ITGA1: variants seen among roughly 807,000 people sequenced by gnomAD.
The protein encoded by ITGA1 is integrin alpha-1.
A neutral mutation model predicts 145.9 loss-of-function variants in ITGA1; 85 were observed. The observed-to-expected ratio is 0.58, with a 90% CI of 0.49 to 0.70. ITGA1 has a LOEUF of 0.70. Ranked by LOEUF, ITGA1 falls within the 30% of genes least tolerant of loss-of-function variation. The pLI, the probability that ITGA1 is intolerant of heterozygous loss-of-function variation, is 0.00. For synonymous variants in ITGA1, 520 were observed against 495.3 expected, an observed-to-expected ratio of 1.05 and a Z score of -0.66; for missense variants, 1,351 against 1,418.7, an observed-to-expected ratio of 0.95 and a Z score of 0.77.
At chr5:52,807,606 C>G (rs951922476) in intron 1 of ITGA1, among the ~76,000 whole-genome samples, 1 of 152,000 alleles carries the variant, frequency 6.6e-6, no homozygotes, top group African/African-American at 2.4e-5. Flanking sequence ...TTTATATAAT[C>G]AGCCAAAGTT....
Position 52,854,285 on chromosome 5 carries a change from T to C in ITGA1, c.182+4800T>C, listed in dbSNP as rs185338768. 2.0e-3 allele frequency among the ~76,000 whole-genome samples: 300 copies of C among 152,304 alleles called. 2 individuals carry two copies. Among genetic ancestry groups the C allele is most frequent in the Non-Finnish European group, 1.5e-3 (102 of 68,020 alleles). On this transcript the variant is annotated intron_variant, in intron 2 of 28. Transcript: ENST00000282588. ...TAAAAGAAAAAAGAATCCCTGCTAA[T>C]GTAGAGCTATTCCAGACTGGGGAGG...
chr5:52,857,455 T>C (rs1749534477), intron 2 of ITGA1, among the ~76,000 whole-genome samples: 1 of 151,998 alleles, frequency 6.6e-6, no homozygotes, highest in South Asian at 2.1e-4. Flanking sequence ...AAGCCCTTAA[T>C]GGTTTGTCAT....
chr5:52,949,865 A>C (rs113806256), intron 28 of ITGA1, among the ~76,000 whole-genome samples: 22 of 151,772 alleles, frequency 1.4e-4, no homozygotes, highest in African/African-American at 5.1e-4. Context: ...CATCTTTTTT[A>C]TTCTAACTAG....
intron 26 of ITGA1, among the ~76,000 whole-genome samples, chr5:52,941,556 G>T (rs1175751674): frequency 6.6e-6 from 1 of 152,074 alleles, no homozygotes; most frequent in East Asian, 1.9e-4. Context: ...TCATATGTTT[G>T]TTGGTCACCT....
chr5:52,800,252 G>A (rs1471657257), intron 1 of ITGA1: 2 of 762,520 alleles, frequency 2.6e-6, no homozygotes, highest in Non-Finnish European at 4.3e-6. Flanking sequence ...GTCGAAGCAA[G>A]CGTGTTTCCT....
At chr5:52,919,808 C>A (rs963069802) in intron 16 of ITGA1, among the ~76,000 whole-genome samples, 2 of 151,968 alleles carry the variant, frequency 1.3e-5, no homozygotes, top group African/African-American at 4.8e-5. Context: ...CATTTATTTT[C>A]TTTATTGTGG....
chr5:52,954,033 A>G lies in ITGA1; in HGVS notation c.*1582A>G, dbSNP rs1751267201. 1 of 152,196 alleles carries G rather than the reference A, an allele frequency of 6.6e-6. No homozygotes were observed. The highest frequency in any genetic ancestry group is 1.5e-5 in the Non-Finnish European group (1 of 68,044). 9.4% of individuals were successfully genotyped at this position (152,196 alleles called of 1,614,324 possible). The stretch of plus-strand genomic sequence containing the variant: ...TTGACTCTCCACATCCGCATCTAAG[A>G]TCCTGAAGGCCAAAGGAATGCGCCT... On this transcript the variant is annotated 3_prime_UTR_variant, in exon 29 of 29. Transcript: ENST00000282588.
At chr5:52,796,434 T>C (rs1012217122) in intron 1 of ITGA1, among the ~76,000 whole-genome samples, 4 of 152,046 alleles carry the variant, frequency 2.6e-5, no homozygotes, top group South Asian at 2.1e-4. Context: ...TTTTCTATTT[T>C]AAACAGCCAA....
chr5:52,954,933 A>G lies in ITGA1; in HGVS notation c.*2482A>G, dbSNP rs1162063677. 1 of 152,100 alleles carries G rather than the reference A, an allele frequency of 6.6e-6. No homozygotes were observed. The highest frequency in any genetic ancestry group is 1.5e-5 in the Non-Finnish European group (1 of 68,008). The allele number at this position is 152,100 out of a possible 1,614,324, so 9.4% of individuals were successfully genotyped here. ...ATTTAATGATTAAGAAATGTACTAGACTCTATCATTTACTTTTAAAACATT... is the reference window on the plus strand; with the variant it reads ...ATTTAATGATTAAGAAATGTACTAGGCTCTATCATTTACTTTTAAAACATT... On this transcript the variant is annotated 3_prime_UTR_variant, in exon 29 of 29. Coordinates refer to ENST00000282588, the MANE Select transcript of ITGA1 (RefSeq NM_181501.2).
chr5:52,803,647 A>G (rs1748532253), intron 1 of ITGA1: 1 of 152,116 alleles, frequency 6.6e-6, no homozygotes, highest in African/African-American at 2.4e-5. Flanking sequence ...GTTTTTTTTA[A>G]AGCTACCCAG....
intron 26 of ITGA1, among the ~76,000 whole-genome samples, chr5:52,941,015 C>T (rs566762515): frequency 4.6e-5 from 7 of 152,062 alleles, no homozygotes; most frequent in Non-Finnish European, 8.8e-5. Context: ...CTCACTTATA[C>T]GTGAGAACAT....
intron 1 of ITGA1, among the ~76,000 whole-genome samples, chr5:52,845,302 A>G (rs910124180): frequency 6.6e-6 from 1 of 152,226 alleles, no homozygotes; most frequent in Non-Finnish European, 1.5e-5. Context: ...TCTCTACAGC[A>G]TAGTGAGTAT....
Position 52,834,777 on chromosome 5 carries a change from T to C in ITGA1, c.62-14588T>C, listed in dbSNP as rs374022473. Among the ~76,000 whole-genome samples the C allele has an allele frequency of 1.1e-3, 167 of 152,234 alleles. 1 individual carries two copies. Among genetic ancestry groups the C allele is most frequent in the African/African-American group, 4.0e-3 (166 of 41,568 alleles). On this transcript the variant is annotated intron_variant, in intron 1 of 28. Transcript: ENST00000282588. The stretch of plus-strand genomic sequence containing the variant: ...TCTTTTATTATAAGGACAATGGTCC[T>C]ATCAGATTAGGGCCCCAGTGGTTGT...
At chr5:52,911,015 CTA>C (rs1750509088) in intron 14 of ITGA1, among the ~76,000 whole-genome samples, 1 of 107,368 alleles carries the variant, frequency 9.3e-6, no homozygotes, top group Non-Finnish European at 1.7e-5. Context: ...ACTGTATATA[CTA>C]TATATAGTAT....
At position 52,953,311 on chromosome 5, in the gene ITGA1, C is replaced by T. The variant is rs1751254016; in HGVS notation, c.*860C>T. 1 of 152,120 alleles carries T rather than the reference C, an allele frequency of 6.6e-6. No homozygotes were observed. The highest frequency in any genetic ancestry group is 2.4e-5 in the African/African-American group (1 of 41,426). 9.4% of individuals were successfully genotyped at this position (152,120 alleles called of 1,614,324 possible). Reference sequence around the variant, plus strand: ...ATGGCTTCTGAATGAAATACGACAGCAGAGAAAGATGCCACTGAAATGCTG... The same window carrying T: ...ATGGCTTCTGAATGAAATACGACAGTAGAGAAAGATGCCACTGAAATGCTG... On this transcript the variant is annotated 3_prime_UTR_variant, in exon 29 of 29. Transcript: ENST00000282588.
In ITGA1 at chr5:52,955,836, G is replaced by A. The variant is rs2111568850; in HGVS notation, c.*3385G>A. The A allele has an allele frequency of 6.6e-6, 1 of 152,118 alleles. No homozygotes were observed. The highest frequency in any genetic ancestry group is 2.4e-5 in the African/African-American group (1 of 41,486). The allele number at this position is 152,118 out of a possible 1,614,324, so 9.4% of individuals were successfully genotyped here. ...GCAATTTAATCTCTGAATATTTTCT[G>A]TGTCATAAGTGTGCTTGAAAAGAGG... On this transcript the variant is annotated 3_prime_UTR_variant, in exon 29 of 29. Transcript: ENST00000282588.
At chr5:52,951,341 T>G (rs1056856176) in intron 28 of ITGA1, among the ~76,000 whole-genome samples, 1 of 152,206 alleles carries the variant, frequency 6.6e-6, no homozygotes, top group African/African-American at 2.4e-5. Context: ...TAATTTTCTT[T>G]TTTTAAAAAT....
chr5:52,894,861 C>T (rs968758882), intron 9 of ITGA1, among the ~76,000 whole-genome samples: 1 of 152,064 alleles, frequency 6.6e-6, no homozygotes, highest in African/African-American at 2.4e-5. Flanking sequence ...CGTCAAGGGG[C>T]TGGGAAAATG....
At chr5:52,808,253 G>T (rs1034953177) in intron 1 of ITGA1, among the ~76,000 whole-genome samples, 5 of 152,136 alleles carry the variant, frequency 3.3e-5, no homozygotes, top group African/African-American at 1.2e-4. Flanking sequence ...AAAAATAGTG[G>T]TACTTTAAAA....
Sources: gnomAD v4.1 joint callset for allele counts (sites outside exome capture counted in the v4.1 genomes callset) on GRCh38, gnomAD v4.1.1 for gene constraint, MANE v1.5 for transcripts, NCBI Gene and HGNC (gene_info 2026-07-23, HGNC 2026-07-21) for gene names.